ANKRD30B: variants seen among roughly 807,000 people sequenced by gnomAD.
ANKRD30B encodes the protein ankyrin repeat domain 30B, also known as ankyrin repeat domain-containing protein 30B.
Under a neutral mutation model 202.2 loss-of-function variants are expected in ANKRD30B, and 144 were observed. The ratio of observed to expected loss-of-function variants is 0.71; its 90% confidence interval spans 0.62 to 0.82. The LOEUF is 0.82. Ranked by LOEUF, ANKRD30B falls within the 40% of genes least tolerant of loss-of-function variation. The pLI is 0.00. For missense variants in ANKRD30B, 1,487 were observed against 1,669.1 expected (o/e 0.89, Z 1.90); for synonymous variants, 508 against 561.3 (o/e 0.91, Z 1.34).
chr18:14,763,634 G>A, intron 6 of ANKRD30B, 52 bp from the exon 7 acceptor site: 2 of 1,591,640 alleles, frequency 1.3e-6, no homozygotes, highest in Non-Finnish European at 1.7e-6. Context: ...GTGAAGTCAG[G>A]AGGATGATAT....
chr18:14,784,842 C>T (rs1967978123), intron 14 of ANKRD30B, among the ~76,000 whole-genome samples: 1 of 1,630 alleles, frequency 6.1e-4, no homozygotes, highest in African/African-American at 7.9e-4. Flanking sequence ...GAAACTCTAA[C>T]TTTTTTAGTT....
At chr18:14,833,717 T>C (rs749791528) in intron 34 of ANKRD30B, among the ~76,000 whole-genome samples, 12 of 152,226 alleles carry the variant, frequency 7.9e-5, no homozygotes, top group Admixed American at 2.0e-4. Flanking sequence ...GTGTAAATAC[T>C]GATCAGCAAT....
intron 5 of ANKRD30B, chr18:14,759,214 A>G (rs1914870701): frequency 6.6e-6 from 1 of 152,224 alleles, no homozygotes; most frequent in Middle Eastern, 3.2e-3. Flanking sequence ...TACATATACT[A>G]AAATTGAAAC....
the ANKRD30B span, among the ~76,000 whole-genome samples, chr18:14,865,153 C>A: frequency 6.6e-6 from 1 of 151,740 alleles, no homozygotes; most frequent in Non-Finnish European, 1.5e-5. Flanking sequence ...TACCCACTGT[C>A]TTTTCTTTCT....
the ANKRD30B span, chr18:14,903,507 G>C: frequency 6.6e-6 from 1 of 152,208 alleles, no homozygotes; most frequent in African/African-American, 2.4e-5. Flanking sequence ...GTGAAAGTCT[G>C]TGCTGGCATG....
the ANKRD30B span, among the ~76,000 whole-genome samples, chr18:14,938,825 G>A: frequency 2.0e-5 from 3 of 152,172 alleles, no homozygotes; most frequent in South Asian, 2.1e-4. Flanking sequence ...GATTTAAATT[G>A]AAGCAAGATA....
intron 5 of ANKRD30B, among the ~76,000 whole-genome samples, chr18:14,758,368 T>C (rs1424772602): frequency 6.6e-6 from 1 of 152,108 alleles, no homozygotes; most frequent in East Asian, 1.9e-4. Context: ...TCAGAAGGAT[T>C]TGGGGGGACA....
the ANKRD30B span, among the ~76,000 whole-genome samples, chr18:14,874,014 T>C: frequency 0.5 from 73,655 of 146,806 alleles, 17,507 homozygotes; most frequent in African/African-American, 0.53. Context: ...GTGCCATTGA[T>C]TTCCATTCTA....
At chr18:14,832,807 TAAG>T (rs753189857) in intron 34 of ANKRD30B, among the ~76,000 whole-genome samples, 1 of 152,248 alleles carries the variant, frequency 6.6e-6, no homozygotes, top group Non-Finnish European at 1.5e-5. Context: ...ATGTCATAAA[TAAG>T]AAGACAATAA....
intron 36 of ANKRD30B, among the ~76,000 whole-genome samples, chr18:14,838,979 A>C (rs951621192): frequency 1.3e-5 from 2 of 152,150 alleles, no homozygotes; most frequent in African/African-American, 4.8e-5. Context: ...GTGGATTTCT[A>C]ATTTTGGGTA....
rs1448688183 is a variant in ANKRD30B at position 14,848,857 on chromosome 18, C to G, written c.3323C>G (p.Ser1108Ter). 2.5e-6 allele frequency: 4 copies of G among 1,602,200 alleles called. No homozygotes were observed. The highest frequency in any genetic ancestry group is 2.6e-6 in the Non-Finnish European group (3 of 1,175,070). The part of the protein sequence containing the change: ...NKFCVLQKEL[S>*]EAKEIKSQLE... ...TTTTGTGTACTACAAAAGGAACTGT[C>G]AGAAGCGAAAGAAATAAAATCACAG... is the stretch of plus-strand genomic sequence containing the variant. The change falls in exon 40 of 44, where the codon TCA becomes TGA. Residue 1108 changes from serine (S) to a stop codon, truncating the protein, a stop_gained. Transcript: ENST00000690538. LOFTEE classifies it high-confidence loss of function.
At chr18:14,820,658 A>C (rs1019373678) in intron 30 of ANKRD30B, among the ~76,000 whole-genome samples, 4 of 152,102 alleles carry the variant, frequency 2.6e-5, no homozygotes, top group African/African-American at 9.7e-5. Flanking sequence ...TATATGCTGG[A>C]TTACATTTAT....
chr18:14,777,325 G>A (rs866065378), intron 9 of ANKRD30B, among the ~76,000 whole-genome samples: 1 of 151,842 alleles, frequency 6.6e-6, no homozygotes, highest in Middle Eastern at 3.4e-3. Flanking sequence ...TTGAGACAGA[G>A]TCTTGCTCCG....
chr18:14,917,098 C>G, the ANKRD30B span, among the ~76,000 whole-genome samples: 1 of 152,232 alleles, frequency 6.6e-6, no homozygotes, highest in African/African-American at 2.4e-5. Flanking sequence ...AGCTGACACT[C>G]TGTCCTCAGG....
At chr18:14,789,002 G>C (rs917683291) in intron 15 of ANKRD30B, among the ~76,000 whole-genome samples, 1 of 151,928 alleles carries the variant, frequency 6.6e-6, no homozygotes, top group Non-Finnish European at 1.5e-5. Flanking sequence ...CTAGTTTACA[G>C]TCCCACCAAC....
At chr18:14,785,713 T>A (rs1288973724) in intron 14 of ANKRD30B, among the ~76,000 whole-genome samples, 1 of 151,956 alleles carries the variant, frequency 6.6e-6, no homozygotes, top group African/African-American at 2.4e-5. Context: ...ATGATCTGAG[T>A]TTCTTGGACC....
At chr18:14,796,445 T>C (rs767059424) in intron 18 of ANKRD30B, 30 bp downstream of exon 18, 1 of 1,523,494 alleles carries the variant, frequency 6.6e-7, no homozygotes, top group African/African-American at 1.4e-5. Flanking sequence ...TTTTAATCTG[T>C]AATTAAGAAT....
intron 15 of ANKRD30B, among the ~76,000 whole-genome samples, chr18:14,790,786 G>A (rs552099786): frequency 6.6e-6 from 1 of 151,940 alleles, no homozygotes; most frequent in Non-Finnish European, 1.5e-5. Context: ...GCTGGATTCG[G>A]TTTGCCAGTA....
intron 24 of ANKRD30B, among the ~76,000 whole-genome samples, chr18:14,804,552 T>C (rs1240317090): frequency 6.6e-6 from 1 of 150,656 alleles, no homozygotes; most frequent in Admixed American, 6.6e-5. Flanking sequence ...ATGCTGATGC[T>C]GGTGGTCGTT....
Sources: allele counts gnomAD v4.1 joint callset (sites outside exome capture counted in the v4.1 genomes callset), GRCh38; gene constraint gnomAD v4.1.1; transcripts MANE v1.5; gene names NCBI Gene and HGNC (gene_info 2026-07-23, HGNC 2026-07-21).